Variants in APP observed in about 807,000 individuals in gnomAD.
APP encodes the protein amyloid-beta precursor protein.
In APP, 31 loss-of-function variants were observed where a neutral mutation model predicts 101.4. That is an observed-to-expected ratio of 0.31 (90% confidence interval 0.23 to 0.41). The LOEUF is 0.41. Among genes scored for constraint, APP ranks in the 10% least tolerant of loss-of-function variants. The pLI is 1.00. For synonymous variants in APP, 366 were observed against 364.4 expected, an observed-to-expected ratio of 1.00 and a Z score of -0.05; for missense variants, 839 against 1,003.7, an observed-to-expected ratio of 0.84 and a Z score of 2.22.
At chr21:26,092,250 A>C (rs531396573) in intron 2 of APP, among the ~76,000 whole-genome samples, 2 of 152,266 alleles carry the variant, frequency 1.3e-5, no homozygotes, top group East Asian at 1.9e-4. Flanking sequence ...CCCAGACCCC[A>C]AAAAAATCAG....
chr21:25,897,000 A>G (rs2038094368), intron 16 of APP, among the ~76,000 whole-genome samples: 1 of 152,144 alleles, frequency 6.6e-6, no homozygotes, highest in Non-Finnish European at 1.5e-5. Flanking sequence ...TTGTAAACCT[A>G]TTTTCCCAGA....
rs1185646034 is a variant in APP, at chr21:26,051,029, G to A, written c.633C>T (p.Gly211=). The A allele has an allele frequency of 1.2e-6, 2 of 1,613,924 alleles. No individual in the cohort carries two copies. The highest frequency in any genetic ancestry group is 1.7e-5 in the Admixed American group (1 of 59,974). The change falls in exon 5 of 18, where the codon GGC becomes GGT. Residue 211 remains glycine, a synonymous_variant. Coordinates refer to ENST00000346798, the MANE Select transcript of APP (RefSeq NM_000484.4). The part of the protein sequence containing the change: ...AEEDDSDVWW[G]GADTDYADGS... ...CATCTGCATAGTCTGTGTCTGCTCC[G>A]CCCCACCAGACATCCGAGTCATCCT...
intron 2 of APP, among the ~76,000 whole-genome samples, chr21:26,099,744 C>T (rs1377515899): frequency 1.3e-5 from 2 of 152,112 alleles, no homozygotes; most frequent in East Asian, 3.8e-4. Flanking sequence ...AACTGGAAAA[C>T]GAAAACGTTC....
rs534076933 is a variant in APP at position 26,119,860 on chromosome 21, T to C, written c.58-7714A>G. ...CTCAGAGAGAGTGGTTTGAATGGCA[T>C]TCACTGAAATAAATTTGATAGTAAC... On this transcript the variant is annotated intron_variant, in intron 1 of 17. Transcript: ENST00000346798. 8.6e-4 allele frequency among the ~76,000 whole-genome samples: 131 copies of C among 152,326 alleles called. 1 individual carries two copies. In the Middle Eastern group the frequency reaches 0.014, roughly 16 times the overall value.
intron 1 of APP, among the ~76,000 whole-genome samples, chr21:26,131,315 A>T (rs1311537942): frequency 6.6e-6 from 1 of 152,176 alleles, no homozygotes; most frequent in African/African-American, 2.4e-5. Flanking sequence ...AAGGCCCGTA[A>T]AACAAAACAC....
chr21:26,121,020 T>C (rs1380944724), intron 1 of APP, among the ~76,000 whole-genome samples: 1 of 152,114 alleles, frequency 6.6e-6, no homozygotes, highest in Non-Finnish European at 1.5e-5. Flanking sequence ...GAGGTAGGTA[T>C]GTATGCAGAG....
intron 8 of APP, among the ~76,000 whole-genome samples, chr21:25,989,530 C>CATCT (rs2042775082): frequency 6.6e-6 from 1 of 152,154 alleles, no homozygotes; most frequent in African/African-American, 2.4e-5. Context: ...TGACCGTGGC[C>CATCT]ATCTCCAACA....
chr21:25,960,503 A>G (rs2041533524), intron 11 of APP, among the ~76,000 whole-genome samples: 1 of 152,116 alleles, frequency 6.6e-6, no homozygotes, highest in Non-Finnish European at 1.5e-5. Flanking sequence ...CAGCCTCTGT[A>G]TAAGGGCGCT....
At chr21:26,149,772 G>C (rs2063225084) in intron 1 of APP, among the ~76,000 whole-genome samples, 1 of 152,158 alleles carries the variant, frequency 6.6e-6, no homozygotes, top group African/African-American at 2.4e-5. Context: ...ACTGAGTATG[G>C]AAGACCCTCA....
intron 14 of APP, among the ~76,000 whole-genome samples, chr21:25,906,165 G>GTTTCTA (rs1347216826): frequency 6.6e-6 from 1 of 152,176 alleles, no homozygotes; most frequent in African/African-American, 2.4e-5. Context: ...GATGCCACAT[G>GTTTCTA]TTAATAGAAA....
At chr21:26,069,930 T>C (rs2046608379) in intron 3 of APP, among the ~76,000 whole-genome samples, 2 of 152,166 alleles carry the variant, frequency 1.3e-5, no homozygotes. Flanking sequence ...GAGTTAGCCA[T>C]GAAGTAATTA....
chr21:25,969,854 C>CAAAAGAAAAGAAAACAAAAG (rs2041944812), intron 11 of APP, among the ~76,000 whole-genome samples: 1 of 73,312 alleles, frequency 1.4e-5, no homozygotes, highest in African/African-American at 4.9e-5. Flanking sequence ...GAAAAGAAAA[C>CAAAAGAAAAGAAAACAAAAG]AAAAGAAAAG....
chr21:26,150,626 T>TAGATAGATAGACAGACAGAC (rs370206066), intron 1 of APP, among the ~76,000 whole-genome samples: 5 of 149,812 alleles, frequency 3.3e-5, no homozygotes, highest in Non-Finnish European at 7.4e-5. Context: ...GACAGATAGA[T>TAGATAGATAGACAGACAGAC]AGACAGACAG....
At chr21:26,142,426 T>C (rs964640727) in intron 1 of APP, among the ~76,000 whole-genome samples, 2 of 152,188 alleles carry the variant, frequency 1.3e-5, no homozygotes, top group Non-Finnish European at 2.9e-5. Flanking sequence ...TCCCCTTCTC[T>C]GCCAGACCAT....
At chr21:26,007,153 C>G (rs1158148659) in intron 6 of APP, among the ~76,000 whole-genome samples, 4 of 151,678 alleles carry the variant, frequency 2.6e-5, no homozygotes, top group African/African-American at 9.7e-5. Flanking sequence ...AACTATTTCT[C>G]CTTTCTGACA....
intron 3 of APP, among the ~76,000 whole-genome samples, chr21:26,057,908 T>C (rs1236968928): frequency 6.6e-6 from 1 of 152,208 alleles, no homozygotes; most frequent in Non-Finnish European, 1.5e-5. Flanking sequence ...TGTGGTCAAT[T>C]TGACAATAAA....
chr21:26,137,994 G>A (rs2062957210), intron 1 of APP, among the ~76,000 whole-genome samples: 1 of 152,038 alleles, frequency 6.6e-6, no homozygotes, highest in African/African-American at 2.4e-5. Context: ...GGTATTTTTT[G>A]TGGTTCTAAT....
chr21:25,937,612 C>T (rs1380608741), intron 13 of APP, among the ~76,000 whole-genome samples: 2 of 152,056 alleles, frequency 1.3e-5, no homozygotes, highest in East Asian at 3.9e-4. Context: ...ATGTCAGTAT[C>T]AATGATAGAA....
chr21:25,951,230 C>T (rs1006207183), intron 13 of APP, among the ~76,000 whole-genome samples: 1 of 152,184 alleles, frequency 6.6e-6, no homozygotes, highest in Non-Finnish European at 1.5e-5. Context: ...TCCCCTTCAC[C>T]GATAGCATTC....
Sources: allele counts gnomAD v4.1 joint callset (sites outside exome capture counted in the v4.1 genomes callset), GRCh38; gene constraint gnomAD v4.1.1; transcripts MANE v1.5; gene names NCBI Gene and HGNC (gene_info 2026-07-23, HGNC 2026-07-21).